Variants in CCDC7 observed in about 807,000 individuals in gnomAD.
CCDC7 encodes the protein coiled-coil domain-containing protein 7.
CCDC7 carries 183 observed loss-of-function variants against 196.9 expected under a neutral mutation model. The observed-to-expected ratio is 0.93, with a 90% CI of 0.82 to 1.05. CCDC7 has a LOEUF of 1.05. CCDC7 is among the 50% of genes least tolerant of loss of function. CCDC7 has a pLI of 0.00. For missense variants in CCDC7, 1,540 were observed against 1,482.2 expected, an observed-to-expected ratio of 1.04 and a Z score of -0.64; for synonymous variants, 525 against 484.6, an observed-to-expected ratio of 1.08 and a Z score of -1.10.
At chr10:32,695,566 T>G (rs1014725510) in intron 24 of CCDC7, among the ~76,000 whole-genome samples, 2 of 152,134 alleles carry the variant, frequency 1.3e-5, no homozygotes, top group Non-Finnish European at 2.9e-5. Context: ...TCCTTTTACT[T>G]GTTGGGGCTA....
intron 7 of CCDC7, 69 bp from the exon 9 acceptor site, chr10:32,473,898 A>C (rs1459204238): frequency 9.4e-6 from 13 of 1,384,066 alleles, no homozygotes; most frequent in Admixed American, 5.2e-5. Flanking sequence ...AAAACAATAA[A>C]ATTTAAACTC....
intron 20 of CCDC7, among the ~76,000 whole-genome samples, chr10:32,645,349 T>C (rs1459613699): frequency 6.6e-6 from 1 of 152,168 alleles, no homozygotes; most frequent in African/African-American, 2.4e-5. Flanking sequence ...TATTGAACCA[T>C]CTGTACTTCC....
At chr10:32,582,086 G>GT (rs2058774377) in intron 16 of CCDC7, among the ~76,000 whole-genome samples, 1 of 119,044 alleles carries the variant, frequency 8.4e-6, no homozygotes. Flanking sequence ...TAAATTCTAT[G>GT]TTTTTTTAAA....
intron 24 of CCDC7, among the ~76,000 whole-genome samples, chr10:32,708,978 C>T (rs1043962609): frequency 6.6e-6 from 1 of 152,140 alleles, no homozygotes; most frequent in Non-Finnish European, 1.5e-5. Context: ...TGGGTATATA[C>T]CCAAAGGATT....
chr10:32,508,103 A>G (rs1202176149), intron 9 of CCDC7, among the ~76,000 whole-genome samples: 1 of 152,214 alleles, frequency 6.6e-6, no homozygotes, highest in Non-Finnish European at 1.5e-5. Flanking sequence ...TTTATAGATG[A>G]CATGAGTTCA....
At chr10:32,469,811 A>C (rs1284931675) in intron 5 of CCDC7, among the ~76,000 whole-genome samples, 1 of 152,172 alleles carries the variant, frequency 6.6e-6, no homozygotes, top group Non-Finnish European at 1.5e-5. Context: ...ACACAGAACT[A>C]GGAAGAAAAT....
upstream of CCDC7, among the ~76,000 whole-genome samples, chr10:32,447,651 C>T (rs1302822409): frequency 6.6e-6 from 1 of 152,140 alleles, no homozygotes; most frequent in Non-Finnish European, 1.5e-5. Context: ...CGTGTAATCC[C>T]AGCACTTTGG....
rs1035549026 is a variant in CCDC7, at chr10:32,779,029, A to T, written c.2958A>T (p.Ala986=). 7.1e-6 allele frequency: 11 copies of T among 1,550,198 alleles called. No individual in the cohort carries two copies. The African/African-American group carries it at 1.4e-4, about 19-fold the overall frequency. ...CAGATACAGCAGAAAATCTTCCAGC[A>T]ATGTACCCGTCAATTAGCGACCTAA... The change falls in exon 29 of 42, where the codon GCA becomes GCT. Residue 986 remains alanine (A), a synonymous_variant. Coordinates refer to ENST00000639629, the Ensembl canonical transcript of CCDC7.
At chr10:32,446,836 T>G (rs1432842469), upstream of CCDC7, among the ~76,000 whole-genome samples, 1 of 152,050 alleles carries the variant, frequency 6.6e-6, no homozygotes, top group Non-Finnish European at 1.5e-5. Context: ...TATGTGAACT[T>G]CATCGGAGCA....
chr10:32,602,543 T>G (rs2061163337), intron 18 of CCDC7, among the ~76,000 whole-genome samples: 2 of 152,202 alleles, frequency 1.3e-5, no homozygotes, highest in African/African-American at 2.4e-5. Context: ...TATTAATATT[T>G]AATTGGATTC....
intron 13 of CCDC7, among the ~76,000 whole-genome samples, chr10:32,547,932 C>T (rs2052752668): frequency 6.6e-6 from 1 of 152,112 alleles, no homozygotes; most frequent in Non-Finnish European, 1.5e-5. Flanking sequence ...AGTCTTTTAT[C>T]CCTCGCCCAC....
chr10:32,686,797 GGCC>G (rs2076516153), intron 22 of CCDC7, among the ~76,000 whole-genome samples: 1 of 152,124 alleles, frequency 6.6e-6, no homozygotes, highest in Non-Finnish European at 1.5e-5. Flanking sequence ...ATGTATTAAT[GGCC>G]CAGCCATGTT....
At chr10:32,633,211 ACG>A (rs1226842594) in intron 18 of CCDC7, among the ~76,000 whole-genome samples, 1 of 32,910 alleles carries the variant, frequency 3.0e-5, no homozygotes, top group Non-Finnish European at 6.1e-5. Context: ...GCGCGCGTGC[ACG>A]CACACACACA....
In CCDC7 at chr10:32,699,911, T is replaced by A. The variant is rs1007094683; in HGVS notation, c.2458+4919T>A. Among the ~76,000 whole-genome samples, 6 of 149,586 alleles carry A rather than the reference T, an allele frequency of 4.0e-5. 2 individuals are homozygous for A. The highest frequency in any genetic ancestry group is 1.5e-4 in the African/African-American group (6 of 38,892). On this transcript the variant is annotated intron_variant, in intron 24 of 41. Transcript: ENST00000639629. Reference sequence around the variant, plus strand: ...CTTGTTGATAGGGTTGTTTGTTTTTTTCTTGTAAATTTGTTTGAGTTCATC... The same window carrying A: ...CTTGTTGATAGGGTTGTTTGTTTTTATCTTGTAAATTTGTTTGAGTTCATC...
Position 32,538,288 on chromosome 10 carries a change from G to A in CCDC7, c.994-5012G>A, listed in dbSNP as rs545622569. Among the ~76,000 whole-genome samples, 252 of 152,144 alleles carry A rather than the reference G, an allele frequency of 1.7e-3. 2 individuals carry two copies. Among genetic ancestry groups the A allele is most frequent in the African/African-American group, 5.8e-3 (242 of 41,520 alleles). ...GATTGTATTCCTGATTTGGCTCTTG[G>A]CTTGGATGTTGTTGTATAGGAGTGC... On this transcript the variant is annotated intron_variant, in intron 11 of 41. Coordinates refer to ENST00000639629, the Ensembl canonical transcript of CCDC7.
intron 9 of CCDC7, among the ~76,000 whole-genome samples, chr10:32,507,106 C>T (rs753544288): frequency 6.6e-5 from 10 of 152,124 alleles, no homozygotes; most frequent in East Asian, 1.9e-4. Flanking sequence ...GATTCTCCTG[C>T]GTCAGCCTCC....
At chr10:32,476,487 G>A (rs11008947) in intron 8 of CCDC7, among the ~76,000 whole-genome samples, 16,071 of 152,080 alleles carry the variant, frequency 0.11, 1,047 homozygotes, top group South Asian at 0.25. Context: ...TTGTTTCCAC[G>A]TTTTGGCAAT....
chr10:32,860,278 T>C (rs752466739), intron 41 of CCDC7, among the ~76,000 whole-genome samples: 1 of 152,136 alleles, frequency 6.6e-6, no homozygotes, highest in Non-Finnish European at 1.5e-5. Flanking sequence ...TGAATAAACA[T>C]AATCCATCAC....
intron 29 of CCDC7, among the ~76,000 whole-genome samples, chr10:32,785,905 G>A (rs903540099): frequency 6.6e-5 from 10 of 151,916 alleles, no homozygotes; most frequent in Middle Eastern, 3.4e-3. Context: ...GCTAGTCTTC[G>A]AGCTCTGAGA....
Sources: allele counts gnomAD v4.1 joint callset (sites outside exome capture counted in the v4.1 genomes callset), GRCh38; gene constraint gnomAD v4.1.1; transcripts MANE v1.5; gene names NCBI Gene and HGNC (gene_info 2026-07-23, HGNC 2026-07-21).